SPTA1: variants seen among roughly 807,000 people sequenced by gnomAD.
SPTA1 encodes spectrin alpha chain, erythrocytic 1.
In SPTA1, 177 loss-of-function variants were observed where a neutral mutation model predicts 324.7. That is an observed-to-expected ratio of 0.55 (90% confidence interval 0.48 to 0.62). The LOEUF (loss-of-function observed/expected upper bound fraction) is 0.62. SPTA1 is among the 20% of genes least tolerant of loss of function. SPTA1 has a pLI of 0.00. For synonymous variants in SPTA1, 1,195 were observed against 1,041.3 expected (o/e 1.15, Z -2.84); for missense variants, 3,162 against 2,883.6 (o/e 1.10, Z -2.21).
chr1:158,651,762 A>C (rs546708275), intron 23 of SPTA1, among the ~76,000 whole-genome samples: 1 of 152,294 alleles, frequency 6.6e-6, no homozygotes, highest in Non-Finnish European at 1.5e-5. Context: ...AGAGGGATTG[A>C]TACCTGAGCT....
intron 39 of SPTA1, among the ~76,000 whole-genome samples, chr1:158,632,451 T>C (rs1571403396): frequency 6.6e-6 from 1 of 152,102 alleles, no homozygotes; most frequent in Admixed American, 6.6e-5. Flanking sequence ...AGTGTTTTTG[T>C]CACAATAAAA....
At chr1:158,685,876 A>G (rs985061228) in intron 1 of SPTA1, among the ~76,000 whole-genome samples, 6 of 152,190 alleles carry the variant, frequency 3.9e-5, no homozygotes, top group Non-Finnish European at 7.4e-5. Flanking sequence ...TTTACTCACA[A>G]ACACTATAAA....
intron 18 of SPTA1, among the ~76,000 whole-genome samples, chr1:158,659,432 C>T (rs1653043695): frequency 6.6e-6 from 1 of 151,484 alleles, no homozygotes; most frequent in Admixed American, 6.6e-5. Context: ...TAATAGTTCC[C>T]ATATAAGAAA....
At chr1:158,652,136 C>T (rs1652489078) in intron 23 of SPTA1, among the ~76,000 whole-genome samples, 1 of 152,150 alleles carries the variant, frequency 6.6e-6, no homozygotes, top group African/African-American at 2.4e-5. Context: ...AAACTTTACA[C>T]ATGGTACAAC....
intron 39 of SPTA1, among the ~76,000 whole-genome samples, chr1:158,628,072 T>C (rs1029679797): frequency 6.6e-6 from 1 of 152,154 alleles, no homozygotes; most frequent in Non-Finnish European, 1.5e-5. Flanking sequence ...ACAATGTGTC[T>C]AGCAGAAAAA....
intron 17 of SPTA1, among the ~76,000 whole-genome samples, chr1:158,662,354 T>G (rs376425271): frequency 6.6e-6 from 1 of 152,112 alleles, no homozygotes; most frequent in Non-Finnish European, 1.5e-5. Flanking sequence ...ATATGATTTA[T>G]AAGAAGGGGC....
chr1:158,640,963 A>G (rs1428050321), intron 33 of SPTA1, among the ~76,000 whole-genome samples: 2 of 152,188 alleles, frequency 1.3e-5, no homozygotes, highest in African/African-American at 4.8e-5. Flanking sequence ...AAACAGAGAT[A>G]TAGACCAACG....
intron 18 of SPTA1, among the ~76,000 whole-genome samples, chr1:158,660,233 A>C (rs1468094765): frequency 2.6e-5 from 4 of 152,170 alleles, no homozygotes; most frequent in African/African-American, 7.2e-5. Flanking sequence ...AAGAAAAATT[A>C]CCAGATTGAA....
rs771613907 is a variant in SPTA1 at position 158,652,586 on chromosome 1, A to G, written c.3256T>C (p.Leu1086=). The G allele has an allele frequency of 3.7e-6, 6 of 1,614,018 alleles. No individual in the cohort carries two copies. Among genetic ancestry groups the G allele is most frequent in the Non-Finnish European group, 4.2e-6 (5 of 1,180,046 alleles). ...ATGTCTCCTGCCTCATAGGCCAATA[A>G]AAATTCATTATAACGTTGCAATAGA... The part of the protein sequence containing the change: ...RRLLQRYNEF[L]LAYEAGDMLE... The change falls in exon 23 of 52, where the codon TTA becomes CTA. Residue 1086 remains leucine, a synonymous_variant. Coordinates refer to ENST00000643759, the MANE Select transcript of SPTA1 (RefSeq NM_003126.4).
rs1315051659 is a variant in SPTA1 at position 158,666,337 on chromosome 1, C to T, written c.2199G>A (p.Glu733=). The part of the protein sequence containing the change: ...QNRLRKHGLL[E]SAVAARQDQV... The stretch of plus-strand genomic sequence containing the variant: ...AAACCTGACGAGCAGCCACAGCCGA[C>T]TCCAGGAGGCCGTGTTTCCTGAGTC... The change falls in exon 16 of 52, where the codon GAG becomes GAA. Residue 733 remains glutamate, a synonymous_variant. Coordinates refer to ENST00000643759, the MANE Select transcript of SPTA1 (RefSeq NM_003126.4). 1.9e-6 allele frequency: 3 copies of T among 1,613,876 alleles called. No homozygotes were observed. In the East Asian group the frequency reaches 6.7e-5, roughly 36 times the overall value.
At chr1:158,674,189 T>G in intron 10 of SPTA1, 140 bp downstream of exon 10, 1 of 914,366 alleles carries the variant, frequency 1.1e-6, no homozygotes, top group Non-Finnish European at 1.8e-6. Flanking sequence ...AAGGAAGCAG[T>G]GTAAAAGTTT....
intron 21 of SPTA1, among the ~76,000 whole-genome samples, chr1:158,653,802 TTCTTC>T (rs1557962567): frequency 6.6e-6 from 1 of 152,054 alleles, no homozygotes; most frequent in Non-Finnish European, 1.5e-5. Context: ...TGCACAAAAA[TTCTTC>T]TCTTCTATTC....
intron 36 of SPTA1, among the ~76,000 whole-genome samples, chr1:158,637,160 T>A (rs1230606444): frequency 6.6e-6 from 1 of 152,218 alleles, no homozygotes; most frequent in East Asian, 1.9e-4. Flanking sequence ...TAAATTCAGC[T>A]AGAATGGGTA....
At chr1:158,645,464 T>C (rs1382091013) in intron 28 of SPTA1, 31 bp downstream of exon 28, 19 of 1,613,806 alleles carry the variant, frequency 1.2e-5, no homozygotes, top group Non-Finnish European at 1.6e-5. Flanking sequence ...TCAGGTCAAG[T>C]GATCAGTGGC....
At chr1:158,627,064 C>T in intron 40 of SPTA1, 57 bp from the exon 41 acceptor site, 1 of 1,597,658 alleles carries the variant, frequency 6.3e-7, no homozygotes, top group Non-Finnish European at 8.6e-7. Context: ...AAATGTGAAT[C>T]CATTAGTACC....
chr1:158,611,131 G>GCGCACA lies in SPTA1; in HGVS notation c.*132_*133insTGTGCG, dbSNP rs879208333. On this transcript the variant is annotated 3_prime_UTR_variant, in exon 52 of 52. Transcript: ENST00000643759. Reference sequence around the variant, plus strand: ...AAATGTAATATGCACACAAACACAAGCACACACACACACACACACACACAC... The same window carrying GCGCACA: ...AAATGTAATATGCACACAAACACAAGCGCACACACACACACACACACACACACACAC... The GCGCACA allele has an allele frequency of 1.8e-4, 118 of 671,432 alleles. No individual in the cohort carries two copies. In the African/African-American group the frequency reaches 1.8e-3, roughly 11 times the overall value. The allele number at this position is 671,432 out of a possible 1,614,324, so 41.6% of individuals were successfully genotyped here. A position where few individuals can be genotyped will look rare whatever the true frequency, so the allele number is the denominator to read the frequency against.
chr1:158,656,718 C>CTAT, intron 19 of SPTA1, 62 bp from the exon 20 acceptor site: 1 of 1,453,296 alleles, frequency 6.9e-7, no homozygotes, highest in Non-Finnish European at 9.6e-7. Context: ...ATTTCAACTA[C>CTAT]TATTATTTTG....
intron 24 of SPTA1, 104 bp downstream of exon 24, chr1:158,651,263 A>G: frequency 2.5e-6 from 2 of 802,324 alleles, no homozygotes; most frequent in South Asian, 2.7e-5. Context: ...TACCTTCTGC[A>G]TGTTCTAGTG....
chr1:158,647,152 G>A (rs906432794), intron 27 of SPTA1, among the ~76,000 whole-genome samples: 2 of 151,862 alleles, frequency 1.3e-5, no homozygotes, highest in African/African-American at 4.8e-5. Flanking sequence ...TTTATCTACA[G>A]TGCATCATCT....
Sources: gnomAD v4.1 joint callset for allele counts (sites outside exome capture counted in the v4.1 genomes callset) on GRCh38, gnomAD v4.1.1 for gene constraint, MANE v1.5 for transcripts, NCBI Gene and HGNC (gene_info 2026-07-23, HGNC 2026-07-21) for gene names.